The following DPF3 variants were observed in gnomAD, a reference collection of about 807,000 sequenced individuals.
The protein encoded by DPF3 is zinc finger protein DPF3.
DPF3 carries 18 observed loss-of-function variants against 56.8 expected under a neutral mutation model. The observed-to-expected ratio is 0.32, with a 90% CI of 0.22 to 0.47. The LOEUF (loss-of-function observed/expected upper bound fraction) is 0.47. Ranked by LOEUF, DPF3 falls within the 20% of genes least tolerant of loss-of-function variation. The pLI is 1.00. For synonymous variants in DPF3, 188 were observed against 180.2 expected, an observed-to-expected ratio of 1.04 and a Z score of -0.35; for missense variants, 403 against 488.8, an observed-to-expected ratio of 0.82 and a Z score of 1.65.
At chr14:72,737,208 AAC>A (rs1228039453) in intron 3 of DPF3, among the ~76,000 whole-genome samples, 17 of 151,486 alleles carry the variant, frequency 1.1e-4, no homozygotes, top group African/African-American at 3.6e-4. Context: ...CAAACAAACA[AAC>A]AAAAAAAACC....
intron 1 of DPF3, among the ~76,000 whole-genome samples, chr14:72,778,104 T>C (rs1304867298): frequency 6.6e-6 from 1 of 152,118 alleles, no homozygotes; most frequent in Admixed American, 6.5e-5. Flanking sequence ...GGAGGACTCT[T>C]ACCTGGAATC....
At chr14:72,802,518 G>A (rs527252623) in intron 1 of DPF3, among the ~76,000 whole-genome samples, 2 of 152,244 alleles carry the variant, frequency 1.3e-5, no homozygotes, top group South Asian at 4.1e-4. Flanking sequence ...GCTCCTGGGA[G>A]TGGGAGCAAA....
chr14:72,855,178 G>A (rs1222514113), intron 1 of DPF3, among the ~76,000 whole-genome samples: 1 of 152,134 alleles, frequency 6.6e-6, no homozygotes, highest in Non-Finnish European at 1.5e-5. Flanking sequence ...TGACGATCAC[G>A]CCTATTTACT....
At chr14:72,629,268 C>T (rs1885023785) in intron 9 of DPF3, among the ~76,000 whole-genome samples, 1 of 152,106 alleles carries the variant, frequency 6.6e-6, no homozygotes, top group South Asian at 2.1e-4. Context: ...TGATCTTTGT[C>T]GAAGCTGGTG....
rs1555503988 is a variant in DPF3, at chr14:72,756,869, A to AAAGAAAGAAAGAAAGG, written c.194-3499_194-3498insCCTTTCTTTCTTTCTT. ...GAAAGAAAGAAAGAAAGAAAGAAAG[A>AAAGAAAGAAAGAAAGG]AAGGAAGGAAAGAAGGAAAGAAAGA... On this transcript the variant is annotated intron_variant, in intron 2 of 10. Transcript: ENST00000556509. Among the ~76,000 whole-genome samples, 450 of 95,624 alleles carry AAAGAAAGAAAGAAAGG rather than the reference A, an allele frequency of 4.7e-3. 2 individuals carry two copies. The highest frequency in any genetic ancestry group is 0.014 in the East Asian group (46 of 3,330). The allele number at this position is 95,624 out of a possible 152,430, so 62.7% of individuals were successfully genotyped here. A position where few individuals can be genotyped will look rare whatever the true frequency, so the allele number is the denominator to read the frequency against.
chr14:72,776,983 G>A (rs930139452), intron 1 of DPF3, among the ~76,000 whole-genome samples: 5 of 152,190 alleles, frequency 3.3e-5, no homozygotes, highest in Middle Eastern at 3.4e-3. Flanking sequence ...TCAGGAAGTC[G>A]TCCTTTCTCT....
At chr14:72,783,020 T>G (rs1892048895) in intron 1 of DPF3, among the ~76,000 whole-genome samples, 1 of 152,218 alleles carries the variant, frequency 6.6e-6, no homozygotes. Flanking sequence ...CCATCCTCAC[T>G]GCACTCCTTT....
chr14:72,671,312 C>T, intron 8 of DPF3: 1 of 1,614,038 alleles, frequency 6.2e-7, no homozygotes, highest in Non-Finnish European at 8.5e-7. Context: ...GCCTCCTTCT[C>T]CTTCCTGCCT....
intron 1 of DPF3, among the ~76,000 whole-genome samples, chr14:72,792,007 C>T (rs994596557): frequency 6.6e-6 from 1 of 152,216 alleles, no homozygotes; most frequent in African/African-American, 2.4e-5. Flanking sequence ...TCCATGCTGC[C>T]TAGAGTCACT....
intron 7 of DPF3, among the ~76,000 whole-genome samples, chr14:72,684,776 C>T (rs941491423): frequency 6.6e-6 from 1 of 152,130 alleles, no homozygotes; most frequent in Non-Finnish European, 1.5e-5. Flanking sequence ...GTGTGTCCCT[C>T]ATCCCCAAAA....
Position 72,894,084 on chromosome 14 carries a change from G to A in DPF3, c.5C>T (p.Ala2Val). The change falls in exon 1 of 11, where the codon GCG (alanine) becomes GTG (valine). Residue 2 changes from alanine to valine, a missense_variant. Around this residue, in one of 2 missense-constraint regions of DPF3, gnomAD observed 340 missense variants for 374.3 expected, o/e 0.91. Transcript: ENST00000556509. Reference sequence around the variant, plus strand: ...TTTCAGGGGGTTGTGAATGACAGTCGCCATTTTGCTACAATGTAACAGAAT... The same window carrying A: ...TTTCAGGGGGTTGTGAATGACAGTCACCATTTTGCTACAATGTAACAGAAT... M[A>V]TVIHNPLKAL... 6.3e-7 allele frequency: 1 copy of A among 1,599,306 alleles called. No homozygotes were observed. Among genetic ancestry groups the A allele is most frequent in the Non-Finnish European group, 8.5e-7 (1 of 1,176,062 alleles).
intron 8 of DPF3, chr14:72,671,592 C>A: frequency 1.6e-6 from 1 of 634,738 alleles, no homozygotes; most frequent in Non-Finnish European, 2.9e-6. Context: ...CTTCCGACAG[C>A]AAAAGATTCA....
chr14:72,756,880 A>G (rs8019653), intron 2 of DPF3, among the ~76,000 whole-genome samples: 1,365 of 101,506 alleles, frequency 0.013, 41 homozygotes, highest in African/African-American at 0.05. Context: ...AAGGAAGGAA[A>G]GAAGGAAAGA....
chr14:72,624,737 A>G (rs1056876630), intron 9 of DPF3, among the ~76,000 whole-genome samples: 1 of 151,878 alleles, frequency 6.6e-6, no homozygotes, highest in Admixed American at 6.5e-5. Flanking sequence ...ACAGTTCCTC[A>G]GTTTCTTTGT....
intron 1 of DPF3, among the ~76,000 whole-genome samples, chr14:72,844,879 T>A (rs548175616): frequency 1.3e-5 from 2 of 152,190 alleles, no homozygotes; most frequent in South Asian, 4.2e-4. Context: ...ATCCCAGTAG[T>A]TTGGGAGGTC....
At chr14:72,673,284 T>C (rs2153570633) in intron 8 of DPF3, among the ~76,000 whole-genome samples, 1 of 152,272 alleles carries the variant, frequency 6.6e-6, no homozygotes, top group East Asian at 1.9e-4. Flanking sequence ...AAAAAGACAC[T>C]GGATAGAAAG....
intron 1 of DPF3, among the ~76,000 whole-genome samples, chr14:72,893,022 A>T (rs890545568): frequency 1.8e-4 from 23 of 131,002 alleles, no homozygotes; most frequent in South Asian, 1.7e-3. Flanking sequence ...GAAGGAAGGA[A>T]GGATGAAAAG....
At chr14:72,788,490 C>A (rs1203603214) in intron 1 of DPF3, among the ~76,000 whole-genome samples, 1 of 152,188 alleles carries the variant, frequency 6.6e-6, no homozygotes, top group Non-Finnish European at 1.5e-5. Context: ...ACATGCCCCA[C>A]AGCCATCAAT....
chr14:72,654,768 T>C (rs1024876796), intron 8 of DPF3, among the ~76,000 whole-genome samples: 7 of 152,222 alleles, frequency 4.6e-5, no homozygotes, highest in South Asian at 2.1e-4. Flanking sequence ...TTGTTTCTTT[T>C]ATGTCTTGCA....
Sources: gnomAD v4.1 joint callset for allele counts (sites outside exome capture counted in the v4.1 genomes callset) on GRCh38, gnomAD v4.1.1 for gene constraint, gnomAD v4.1.1 regional missense constraint, MANE v1.5 for transcripts, NCBI Gene and HGNC (gene_info 2026-07-23, HGNC 2026-07-21) for gene names.